The following DTNBP1 variants were observed in gnomAD, a reference collection of about 807,000 sequenced individuals.
DTNBP1 encodes the protein dysbindin.
A neutral mutation model predicts 42.8 loss-of-function variants in DTNBP1; 35 were observed. The observed-to-expected ratio is 0.82, with a 90% confidence interval of 0.63 to 1.09. The LOEUF (loss-of-function observed/expected upper bound fraction) is 1.09. Among genes scored for constraint, DTNBP1 ranks in the 50% least tolerant of loss-of-function variants. The pLI, the probability that DTNBP1 is intolerant of heterozygous loss-of-function variation, is 0.00. For synonymous variants in DTNBP1, 171 were observed against 162.2 expected (o/e 1.05, Z -0.41); for missense variants, 457 against 424.2 (o/e 1.08, Z -0.68).
At chr6:15,578,181 G>A (rs560856640) in intron 7 of DTNBP1, among the ~76,000 whole-genome samples, 7 of 152,314 alleles carry the variant, frequency 4.6e-5, no homozygotes, top group South Asian at 2.1e-4. Flanking sequence ...CGGTGCCAGC[G>A]AGGAAGCCAG....
intron 7 of DTNBP1, among the ~76,000 whole-genome samples, chr6:15,567,020 CT>C (rs1775123164): frequency 6.6e-6 from 1 of 152,160 alleles, no homozygotes; most frequent in Non-Finnish European, 1.5e-5. Context: ...ATAACTAGGT[CT>C]TTCCCCTTCC....
At chr6:15,597,119 A>C (rs577263468) in intron 6 of DTNBP1, among the ~76,000 whole-genome samples, 2 of 152,360 alleles carry the variant, frequency 1.3e-5, no homozygotes, top group South Asian at 4.1e-4. Flanking sequence ...ATTAGGAATA[A>C]TGCTAGGTTT....
chr6:15,572,263 G>C (rs1775371363), intron 7 of DTNBP1, among the ~76,000 whole-genome samples: 1 of 152,162 alleles, frequency 6.6e-6, no homozygotes, highest in African/African-American at 2.4e-5. Context: ...AGGACATGCA[G>C]CTATAAGTGA....
chr6:15,559,254 G>A (rs997304477), intron 7 of DTNBP1, among the ~76,000 whole-genome samples: 2 of 152,174 alleles, frequency 1.3e-5, no homozygotes, highest in Non-Finnish European at 2.9e-5. Context: ...ACAACTACAC[G>A]AGAAGTTGCC....
intron 1 of DTNBP1, among the ~76,000 whole-genome samples, chr6:15,661,310 C>T (rs967516404): frequency 6.7e-6 from 1 of 148,932 alleles, no homozygotes; most frequent in Non-Finnish European, 1.5e-5. Flanking sequence ...GCTATAATAG[C>T]GCCACTGCGC....
chr6:15,565,393 A>T (rs149482595), intron 7 of DTNBP1, among the ~76,000 whole-genome samples: 15 of 152,354 alleles, frequency 9.8e-5, no homozygotes, highest in African/African-American at 3.4e-4. Flanking sequence ...TGTTTACAGT[A>T]GTACTTTTTT....
At chr6:15,554,676 G>A (rs1213873046) in intron 7 of DTNBP1, among the ~76,000 whole-genome samples, 1 of 152,140 alleles carries the variant, frequency 6.6e-6, no homozygotes, top group Non-Finnish European at 1.5e-5. Flanking sequence ...ACTGTAGGAG[G>A]AGTCATGAAT....
rs1473163665 is a variant in DTNBP1, at chr6:15,587,346, CA to C, written c.511+5712del. Among the ~76,000 whole-genome samples, 24 of 152,182 alleles carry C rather than the reference CA, an allele frequency of 1.6e-4. No individual in the cohort carries two copies. Among genetic ancestry groups the C allele is most frequent in the Non-Finnish European group, 2.9e-4 (20 of 68,038 alleles). ...CCCAAATTGATCTATACATGCAACA[CA>C]ACCATCCCTATTCAAGTCTCAGTAG... On this transcript the variant is annotated intron_variant, in intron 7 of 9. Coordinates refer to ENST00000344537, the MANE Select transcript of DTNBP1 (RefSeq NM_032122.5). The surrounding 1 kb of genome is among the most constrained non-coding windows in gnomAD (Gnocchi z 4.1).
chr6:15,556,677 C>T (rs949044007), intron 7 of DTNBP1, among the ~76,000 whole-genome samples: 1 of 152,172 alleles, frequency 6.6e-6, no homozygotes. Flanking sequence ...TCAGTGTCAC[C>T]GCACTGGGTG....
chr6:15,654,148 G>C (rs184093985), intron 1 of DTNBP1, among the ~76,000 whole-genome samples: 1 of 152,244 alleles, frequency 6.6e-6, no homozygotes, highest in Non-Finnish European at 1.5e-5. Flanking sequence ...AAAAGATTCA[G>C]CAATCTCTTT....
At chr6:15,613,655 T>C (rs1005642966) in intron 6 of DTNBP1, among the ~76,000 whole-genome samples, 1 of 152,018 alleles carries the variant, frequency 6.6e-6, no homozygotes, top group Admixed American at 6.6e-5. Flanking sequence ...CGTGAGCCAC[T>C]GCACCTGGCC....
intron 7 of DTNBP1, among the ~76,000 whole-genome samples, chr6:15,537,264 C>CA (rs568500166): frequency 1.0e-3 from 157 of 150,610 alleles, no homozygotes; most frequent in Non-Finnish European, 1.9e-3. Context: ...TGTAAAAATA[C>CA]AAAAAAAAAT....
intron 1 of DTNBP1, among the ~76,000 whole-genome samples, chr6:15,662,340 C>G (rs1326572907): frequency 1.3e-5 from 2 of 152,202 alleles, no homozygotes; most frequent in Non-Finnish European, 2.9e-5. Flanking sequence ...AGGCTGTGGC[C>G]GGAGGGTGCA....
intron 7 of DTNBP1, among the ~76,000 whole-genome samples, chr6:15,580,011 A>T (rs1293129616): frequency 6.6e-6 from 1 of 152,240 alleles, no homozygotes. Flanking sequence ...AATAAAAAAT[A>T]TTACACTTCT....
At chr6:15,613,527 C>T (rs868824296) in intron 6 of DTNBP1, among the ~76,000 whole-genome samples, 3 of 151,606 alleles carry the variant, frequency 2.0e-5, no homozygotes, top group East Asian at 2.0e-4. Context: ...CCACCACACC[C>T]GGCTAATTTT....
chr6:15,578,184 G>A (rs1001120679), intron 7 of DTNBP1, among the ~76,000 whole-genome samples: 1 of 152,220 alleles, frequency 6.6e-6, no homozygotes, highest in African/African-American at 2.4e-5. Flanking sequence ...TGCCAGCGAG[G>A]AAGCCAGAGT....
intron 6 of DTNBP1, among the ~76,000 whole-genome samples, chr6:15,598,488 T>C (rs951575588): frequency 2.0e-5 from 3 of 152,314 alleles, no homozygotes; most frequent in South Asian, 4.1e-4. Flanking sequence ...TGATCAGCAA[T>C]ACTCTTTTAT....
chr6:15,587,855 G>A lies in DTNBP1; in HGVS notation c.511+5204C>T, dbSNP rs953801855. ...AGAGCTAACTAGTGTTGTCAAGGAT[G>A]AGGAGAAACTGCAGCCCTCACACAC... On this transcript the variant is annotated intron_variant, in intron 7 of 9. Coordinates refer to ENST00000344537, the MANE Select transcript of DTNBP1 (RefSeq NM_032122.5). This position sits in a 1 kb window ranked among gnomAD's most constrained non-coding sequence, Gnocchi z 4.1. Among the ~76,000 whole-genome samples the A allele has an allele frequency of 6.6e-6, 1 of 152,198 alleles. No homozygotes were observed. Among genetic ancestry groups the A allele is most frequent in the Non-Finnish European group, 1.5e-5 (1 of 68,034 alleles).
chr6:15,581,394 G>C (rs1775825113), intron 7 of DTNBP1, among the ~76,000 whole-genome samples: 1 of 151,782 alleles, frequency 6.6e-6, no homozygotes, highest in South Asian at 2.1e-4. Flanking sequence ...TGGTCAGGCT[G>C]GTCTTGAACT....
Sources: gnomAD v4.1 joint callset for allele counts (sites outside exome capture counted in the v4.1 genomes callset) on GRCh38, gnomAD v4.1.1 for gene constraint, Gnocchi (gnomAD v3.1) non-coding constraint, MANE v1.5 for transcripts, NCBI Gene and HGNC (gene_info 2026-07-23, HGNC 2026-07-21) for gene names.